Variants in ADCY6 observed in about 807,000 individuals in gnomAD.
ADCY6 encodes adenylate cyclase type 6.
ADCY6 carries 59 observed loss-of-function variants against 111.6 expected under a neutral mutation model. That is an observed-to-expected ratio of 0.53 (90% confidence interval 0.43 to 0.66). The LOEUF is 0.66. ADCY6 is among the 30% of genes least tolerant of loss of function. The pLI is 0.00. For missense variants in ADCY6, 1,242 were observed against 1,595.6 expected, an observed-to-expected ratio of 0.78 and a Z score of 3.78; for synonymous variants, 576 against 642.9, an observed-to-expected ratio of 0.90 and a Z score of 1.57.
chr12:48,789,584 GC>G (rs1393576033), upstream of ADCY6: 1 of 50,988 alleles, frequency 2.0e-5, no homozygotes, highest in Non-Finnish European at 3.8e-5. Flanking sequence ...CCCTGCCCCA[GC>G]CCCAGCCCCC....
rs1393075318 is a variant in ADCY6 at position 48,788,946 on chromosome 12, G to GC, written c.-46dup. On this transcript the variant is annotated 5_prime_UTR_variant, in exon 1 of 22. Coordinates refer to ENST00000357869, the MANE Select transcript of ADCY6 (RefSeq NM_015270.5). The stretch of plus-strand genomic sequence containing the variant: ...CGCGCCTGCCCTGGGCCCCCGCCCC[G>GC]CCGCCCCCGCGGGCTCCGGCCGGCC... 1.7e-5 allele frequency: 1 copy of GC among 59,228 alleles called. No homozygotes were observed. The highest frequency in any genetic ancestry group is 6.3e-5 in the African/African-American group (1 of 15,802). The allele number at this position is 59,228 out of a possible 1,614,324, so 3.7% of individuals were successfully genotyped here.
Position 48,772,360 on chromosome 12 carries a change from C to T in ADCY6, c.2722G>A (p.Ala908Thr), listed in dbSNP as rs780094132. 1.9e-6 allele frequency: 3 copies of T among 1,614,160 alleles called. No individual in the cohort carries two copies. Among genetic ancestry groups the T allele is most frequent in the Non-Finnish European group, 2.5e-6 (3 of 1,180,016 alleles). Residue 908 changes from alanine (A) to threonine (T), a missense_variant, in exon 18 of 22, where the codon GCG (alanine) becomes ACG (threonine). Physicochemically the swap from Ala to Thr is moderately conservative, Grantham distance 58 (BLOSUM62 0). Coordinates refer to ENST00000357869, the MANE Select transcript of ADCY6 (RefSeq NM_015270.5). ...TPVILLVFAL[A>T]LYLHAQQVES... ...ACCTGCTGAGCATGCAGATACAGCG[C>T]CAGCGCAAACACCAGCAGAATCACA...
chr12:48,772,379 A>C lies in ADCY6; in HGVS notation c.2703T>G (p.Ile901Met). ...RVALKYMTPV[I>M]LLVFALALYL... Reference sequence around the variant, plus strand: ...ACAGCGCCAGCGCAAACACCAGCAGAATCACAGGGGTCATATATTTGAGGG... The same window carrying C: ...ACAGCGCCAGCGCAAACACCAGCAGCATCACAGGGGTCATATATTTGAGGG... Residue 901 changes from isoleucine (I) to methionine (M), a missense_variant, in exon 18 of 22, where the codon ATT becomes ATG. By Grantham distance (10) the Ile-to-Met change is conservative. This residue lies in a region of ADCY6 where 245 missense variants were observed against 371.3 expected (regional missense o/e 0.66). Transcript: ENST00000357869. 1 of 1,614,200 alleles carries C rather than the reference A, an allele frequency of 6.2e-7. No individual in the cohort carries two copies. Among genetic ancestry groups the C allele is most frequent in the Non-Finnish European group, 8.5e-7 (1 of 1,180,024 alleles).
rs1941533606 is a variant in ADCY6 at position 48,771,284 on chromosome 12, T to G, written c.3052-314A>C. On this transcript the variant is annotated intron_variant, in intron 19 of 21. Coordinates refer to ENST00000357869, the MANE Select transcript of ADCY6 (RefSeq NM_015270.5). The surrounding 1 kb of genome is among the most constrained non-coding windows in gnomAD (Gnocchi z 4.3). ...GATACTGAGTCCCAGAGTGAGCAAG[T>G]GACTTCCCTCCAGAACAGTGAACAG... 13 of 486,910 alleles carry G rather than the reference T, an allele frequency of 2.7e-5. No individual in the cohort carries two copies. The South Asian group carries it at 2.7e-4, about 10-fold the overall frequency. The allele number at this position is 486,910 out of a possible 1,614,324, so 30.2% of individuals were successfully genotyped here. A position where few individuals can be genotyped will look rare whatever the true frequency, so the allele number is the denominator to read the frequency against.
chr12:48,779,854 T>C (rs761782851), intron 2 of ADCY6, among the ~76,000 whole-genome samples: 8 of 152,208 alleles, frequency 5.3e-5, no homozygotes, highest in Non-Finnish European at 1.0e-4. Flanking sequence ...CACTTAAACT[T>C]TGGGACCTCA....
rs146695818 is a variant in ADCY6 at position 48,774,004 on chromosome 12, T to C, written c.2378A>G (p.Asn793Ser). 5.0e-6 allele frequency: 8 copies of C among 1,613,564 alleles called. No individual in the cohort carries two copies. The Admixed American group carries it at 5.0e-5, about 10-fold the overall frequency. ...GGGAGCATCCAGGCCCAGAGAGTAA[T>C]TGAGCTGCTGCAGGTGGCAGGCAGT... is the stretch of plus-strand genomic sequence containing the variant. ...DITACHLQQL[N>S]YSLGLDAPLC... The change falls in exon 15 of 22, where the codon AAT becomes AGT. Residue 793 changes from asparagine (N) to serine (S), a missense_variant. Around this residue, in one of 4 missense-constraint regions of ADCY6, gnomAD observed 375 missense variants for 432.5 expected, o/e 0.87. Coordinates refer to ENST00000357869, the MANE Select transcript of ADCY6 (RefSeq NM_015270.5).
chr12:48,776,599 AG>A lies in ADCY6; in HGVS notation c.1377-14del, dbSNP rs780848300. 1 of 1,599,966 alleles carries A rather than the reference AG, an allele frequency of 6.3e-7. No individual in the cohort carries two copies. The highest frequency in any genetic ancestry group is 1.7e-5 in the Admixed American group (1 of 59,610). Reference sequence around the variant, plus strand: ...CTCACGTACCAGCCTGGGAGGATGCAGCCCCAGATCAGCTCCTGGCAGTCTT... The same window carrying A: ...CTCACGTACCAGCCTGGGAGGATGCACCCCAGATCAGCTCCTGGCAGTCTT... On this transcript the variant is annotated splice_polypyrimidine_tract_variant and intron_variant, in intron 6 of 21. Coordinates refer to ENST00000357869, the MANE Select transcript of ADCY6 (RefSeq NM_015270.5). This position sits in a 1 kb window ranked among gnomAD's most constrained non-coding sequence, Gnocchi z 6.1.
chr12:48,778,082 G>A (rs748678671), intron 3 of ADCY6, 26 bp downstream of exon 3: 3 of 1,591,146 alleles, frequency 1.9e-6, no homozygotes, highest in Non-Finnish European at 2.6e-6. Flanking sequence ...GTGGGGGCAG[G>A]CCCTGGTCAC....
Position 48,768,301 on chromosome 12 carries a change from T to C in ADCY6, c.*290A>G. 2.0e-6 allele frequency: 1 copy of C among 488,832 alleles called. No homozygotes were observed. The highest frequency in any genetic ancestry group is 3.7e-6 in the Non-Finnish European group (1 of 268,278). 30.3% of individuals were successfully genotyped at this position (488,832 alleles called of 1,614,324 possible). ...CCTCAGGCAAGAGGCCTCCCTCTGC[T>C]TCTGCTACTGACCCCTCCCCTGCTC... On this transcript the variant is annotated 3_prime_UTR_variant, in exon 22 of 22. Coordinates refer to ENST00000357869, the MANE Select transcript of ADCY6 (RefSeq NM_015270.5).
In ADCY6 at chr12:48,777,733, G is replaced by A. The variant is rs1941741691; in HGVS notation, c.1018C>T (p.Arg340Trp). The A allele has an allele frequency of 2.5e-6, 4 of 1,613,954 alleles. No homozygotes were observed. The highest frequency in any genetic ancestry group is 1.3e-5 in the African/African-American group (1 of 75,026). ...HLQHENRQQE[R>W]LLLSVLPQHV... ...TGGGGCAATACCGACAGCAGCAGCC[G>A]CTCCTAGCCCAGTGGTTCCAATAGG... The change falls in exon 4 of 22, where the codon CGG becomes TGG. Residue 340 changes from arginine (R) to tryptophan (W), a missense_variant. Physicochemically the swap from Arg to Trp is moderately radical, Grantham distance 101. Around this residue, in one of 4 missense-constraint regions of ADCY6, gnomAD observed 260 missense variants for 414.6 expected, o/e 0.63. Transcript: ENST00000357869. This position sits in a 1 kb window ranked among gnomAD's most constrained non-coding sequence, Gnocchi z 4.9.
At chr12:48,773,749 C>T in intron 15 of ADCY6, 102 bp from the exon 16 acceptor site, 11 of 1,503,622 alleles carry the variant, frequency 7.3e-6, no homozygotes, top group Non-Finnish European at 1.0e-5. Flanking sequence ...CTTCCCACCA[C>T]ACCCCTCAAA....
intron 1 of ADCY6, chr12:48,783,709 G>A (rs1037818212): frequency 7.3e-5 from 43 of 586,502 alleles, no homozygotes; most frequent in Non-Finnish European, 9.0e-5. Context: ...TTGTGAGGCC[G>A]AGATAGGAGG....
chr12:48,787,411 C>G (rs1372485576), intron 1 of ADCY6, among the ~76,000 whole-genome samples: 3 of 150,908 alleles, frequency 2.0e-5, no homozygotes, highest in Non-Finnish European at 2.9e-5. Context: ...AACACTCTGA[C>G]CCCCCCCAAG....
At position 48,774,679 on chromosome 12, in the gene ADCY6, C is replaced by A; in HGVS notation, c.2166+12G>T. On this transcript the variant is annotated intron_variant, in intron 13 of 21. Transcript: ENST00000357869. Reference sequence around the variant, plus strand: ...TGCCCTCCCCAACAGCCTCAGAAATCCCCTTACGTACAGAACCACAGGAGT... The same window carrying A: ...TGCCCTCCCCAACAGCCTCAGAAATACCCTTACGTACAGAACCACAGGAGT... The A allele has an allele frequency of 6.2e-7, 1 of 1,613,560 alleles. No homozygotes were observed.
In ADCY6 at chr12:48,767,051, G is replaced by T; in HGVS notation, c.*1540C>A. ...ATGCTAGACTCAGGCTGAAGGCTGGGGAAAGCCAAGTTTAAGGTTCCTCTT... is the reference window on the plus strand; with the variant it reads ...ATGCTAGACTCAGGCTGAAGGCTGGTGAAAGCCAAGTTTAAGGTTCCTCTT... On this transcript the variant is annotated 3_prime_UTR_variant, in exon 22 of 22. Transcript: ENST00000357869. 6.5e-6 allele frequency: 1 copy of T among 152,690 alleles called. No homozygotes were observed. The allele number at this position is 152,690 out of a possible 1,614,324, so 9.5% of individuals were successfully genotyped here.
At chr12:48,778,321 C>T (rs2137369258) in intron 2 of ADCY6, 64 bp from the exon 3 acceptor site, 1 of 1,601,220 alleles carries the variant, frequency 6.2e-7, no homozygotes, top group East Asian at 2.2e-5. Flanking sequence ...AACACACACA[C>T]ACATTCACAC....
intron 9 of ADCY6, 77 bp downstream of exon 9, chr12:48,775,886 A>AAAGGACAGGGTC: frequency 6.5e-7 from 1 of 1,543,952 alleles, no homozygotes; most frequent in African/African-American, 1.4e-5. Flanking sequence ...CAGTCACAAG[A>AAAGGACAGGGTC]AAGGACAGGG....
In ADCY6 at chr12:48,767,721, C is replaced by G. The variant is rs990250093; in HGVS notation, c.*870G>C. 1 of 152,628 alleles carries G rather than the reference C, an allele frequency of 6.6e-6. No individual in the cohort carries two copies. The highest frequency in any genetic ancestry group is 1.5e-5 in the Non-Finnish European group (1 of 68,064). The allele number at this position is 152,628 out of a possible 1,614,324, so 9.5% of individuals were successfully genotyped here. A position where few individuals can be genotyped will look rare whatever the true frequency, so the allele number is the denominator to read the frequency against. Reference sequence around the variant, plus strand: ...CAAGAGAGCACTGGGGCAGAGTGACCTGATCTGGACCCCGACGGGGTCCTC... The same window carrying G: ...CAAGAGAGCACTGGGGCAGAGTGACGTGATCTGGACCCCGACGGGGTCCTC... On this transcript the variant is annotated 3_prime_UTR_variant, in exon 22 of 22. Transcript: ENST00000357869.
In ADCY6 at chr12:48,768,484, G is replaced by T; in HGVS notation, c.*107C>A. 1 of 1,516,914 alleles carries T rather than the reference G, an allele frequency of 6.6e-7. No individual in the cohort carries two copies. 94.0% of individuals were successfully genotyped at this position (1,516,914 alleles called of 1,614,324 possible). ...GCTGGGATGTTCCCTTTTGTGGTTA[G>T]CAGGGTCTGGAGGCTCAGTGCCCCC... is the stretch of plus-strand genomic sequence containing the variant. On this transcript the variant is annotated 3_prime_UTR_variant, in exon 22 of 22. Coordinates refer to ENST00000357869, the MANE Select transcript of ADCY6 (RefSeq NM_015270.5).
Sources: allele counts gnomAD v4.1 joint callset (sites outside exome capture counted in the v4.1 genomes callset), GRCh38; gene constraint gnomAD v4.1.1; regional missense constraint gnomAD v4.1.1; non-coding constraint Gnocchi (gnomAD v3.1); transcripts MANE v1.5; gene names NCBI Gene and HGNC (gene_info 2026-07-23, HGNC 2026-07-21).